PIK3C2G: variants seen among roughly 807,000 people sequenced by gnomAD.
The protein encoded by PIK3C2G is phosphatidylinositol-4-phosphate 3-kinase catalytic subunit type 2 gamma.
A neutral mutation model predicts 181.1 loss-of-function variants in PIK3C2G; 168 were observed. The observed-to-expected ratio is 0.93, with a 90% CI of 0.82 to 1.05. PIK3C2G has a LOEUF of 1.05. Ranked by LOEUF, PIK3C2G falls within the 50% of genes least tolerant of loss-of-function variation. PIK3C2G has a pLI of 0.00. For missense variants in PIK3C2G, 1,869 were observed against 1,732.8 expected (o/e 1.08, Z -1.40); for synonymous variants, 573 against 592.2 (o/e 0.97, Z 0.47).
At position 18,290,925 on chromosome 12, in the gene PIK3C2G, T is replaced by C; in HGVS notation, c.832T>C (p.Phe278Leu). Residue 278 changes from phenylalanine (F) to leucine (L), a missense_variant, in exon 4 of 33, where the codon TTT becomes CTT. Coordinates refer to ENST00000538779, the MANE Select transcript of PIK3C2G (RefSeq NM_001288772.2). ...GAAGATCTGGAGCACTACTACAGCA[T>C]TTCCGTATCAGCTCTTTTCTAAGAC... ...SGKIWSTTTAFPYQLFSKTKF... is the reference protein window; with the variant it reads ...SGKIWSTTTALPYQLFSKTKF... 1.9e-6 allele frequency: 3 copies of C among 1,586,366 alleles called. No homozygotes were observed. Among genetic ancestry groups the C allele is most frequent in the Non-Finnish European group, 2.6e-6 (3 of 1,154,940 alleles).
intron 18 of PIK3C2G, among the ~76,000 whole-genome samples, chr12:18,435,218 A>G (rs1313554846): frequency 2.0e-5 from 3 of 152,134 alleles, no homozygotes; most frequent in African/African-American, 7.2e-5. Flanking sequence ...TTCTTACCCA[A>G]TAATCTTTAT....
chr12:18,598,120 A>C (rs1488484333), intron 30 of PIK3C2G, among the ~76,000 whole-genome samples: 4 of 152,120 alleles, frequency 2.6e-5, no homozygotes, highest in Non-Finnish European at 5.9e-5. Context: ...GCTACCAATG[A>C]CTTTCTTCAC....
At chr12:18,687,007 G>A in the PIK3C2G span, among the ~76,000 whole-genome samples, 1 of 151,914 alleles carries the variant, frequency 6.6e-6, no homozygotes, top group African/African-American at 2.4e-5. Context: ...GAGGATGGAG[G>A]GAACAAGAGA....
At chr12:18,323,997 G>C (rs919454802) in intron 7 of PIK3C2G, among the ~76,000 whole-genome samples, 16 of 151,968 alleles carry the variant, frequency 1.1e-4, no homozygotes, top group Non-Finnish European at 2.2e-4. Flanking sequence ...GAGGTGGGCG[G>C]ATCATGAGGT....
chr12:18,487,096 T>TTTTGTGTGTGTG (rs71440368), intron 18 of PIK3C2G, among the ~76,000 whole-genome samples: 84 of 142,200 alleles, frequency 5.9e-4, no homozygotes, highest in Middle Eastern at 3.6e-3. Context: ...TTGAGGTATT[T>TTTTGTGTGTGTG]TGTGTGTGTG....
At chr12:18,612,761 C>T (rs867657727) in intron 31 of PIK3C2G, among the ~76,000 whole-genome samples, 38 of 152,066 alleles carry the variant, frequency 2.5e-4, no homozygotes, top group African/African-American at 8.9e-4. Context: ...CTGGATTTTA[C>T]ATTAATATTA....
intron 29 of PIK3C2G, among the ~76,000 whole-genome samples, chr12:18,581,168 A>G (rs1946481705): frequency 6.6e-6 from 1 of 152,266 alleles, no homozygotes; most frequent in Non-Finnish European, 1.5e-5. Context: ...CAAACAAAGT[A>G]TCTGAACTTA....
At chr12:18,582,632 C>A (rs1006914665) in intron 29 of PIK3C2G, among the ~76,000 whole-genome samples, 1 of 152,160 alleles carries the variant, frequency 6.6e-6, no homozygotes, top group Non-Finnish European at 1.5e-5. Flanking sequence ...TTCCACAGAA[C>A]CTGGCAGGAT....
chr12:18,577,713 C>T (rs901359377), intron 29 of PIK3C2G, among the ~76,000 whole-genome samples: 8 of 152,076 alleles, frequency 5.3e-5, no homozygotes, highest in Admixed American at 1.3e-4. Flanking sequence ...AATAGCTTCT[C>T]CCAAGGTATC....
At chr12:18,264,526 T>C (rs1227977880) in intron 1 of PIK3C2G, among the ~76,000 whole-genome samples, 1 of 152,186 alleles carries the variant, frequency 6.6e-6, no homozygotes, top group Admixed American at 6.5e-5. Flanking sequence ...TGTTGAGTAT[T>C]GGCTTATATT....
chr12:18,596,838 G>A (rs1263110981), intron 30 of PIK3C2G, among the ~76,000 whole-genome samples: 1 of 152,058 alleles, frequency 6.6e-6, no homozygotes, highest in Non-Finnish European at 1.5e-5. Flanking sequence ...ATGGGTTGAA[G>A]TATGGTACTC....
chr12:18,496,181 T>C (rs1940996365), intron 21 of PIK3C2G, 27 bp downstream of exon 21: 3 of 1,266,078 alleles, frequency 2.4e-6, no homozygotes, highest in Non-Finnish European at 3.3e-6. Flanking sequence ...AAAACATGAA[T>C]TGATTCCATA....
At chr12:18,392,328 A>G (rs1291498947) in intron 15 of PIK3C2G, among the ~76,000 whole-genome samples, 1 of 152,098 alleles carries the variant, frequency 6.6e-6, no homozygotes, top group African/African-American at 2.4e-5. Context: ...GCCCTCCCAT[A>G]CTAGGGCACT....
intron 1 of PIK3C2G, among the ~76,000 whole-genome samples, chr12:18,280,927 A>G (rs1412661641): frequency 6.6e-6 from 1 of 152,040 alleles, no homozygotes; most frequent in Non-Finnish European, 1.5e-5. Flanking sequence ...ATTATTGGAT[A>G]TAGAAGAAGA....
chr12:18,283,482 C>G (rs534637647), intron 2 of PIK3C2G, among the ~76,000 whole-genome samples: 3 of 152,208 alleles, frequency 2.0e-5, no homozygotes, highest in East Asian at 3.9e-4. Flanking sequence ...CAGAAGGGTT[C>G]TTTATTTATT....
At chr12:18,589,445 C>T (rs1946958837) in intron 29 of PIK3C2G, among the ~76,000 whole-genome samples, 1 of 151,492 alleles carries the variant, frequency 6.6e-6, no homozygotes. Flanking sequence ...CAAGATTTTT[C>T]TTTGTTAAAA....
chr12:18,344,364 C>T (rs550205178), intron 10 of PIK3C2G, among the ~76,000 whole-genome samples: 1 of 152,166 alleles, frequency 6.6e-6, no homozygotes, highest in East Asian at 1.9e-4. Flanking sequence ...GGAACTCCCC[C>T]GTCTCACATC....
the PIK3C2G span, among the ~76,000 whole-genome samples, chr12:18,702,069 A>G: frequency 6.6e-6 from 1 of 152,142 alleles, no homozygotes; most frequent in Non-Finnish European, 1.5e-5. Flanking sequence ...AAATATGTGA[A>G]AAGTATATAT....
intron 18 of PIK3C2G, among the ~76,000 whole-genome samples, chr12:18,482,053 C>A (rs897378081): frequency 2.0e-5 from 3 of 152,110 alleles, no homozygotes; most frequent in African/African-American, 7.2e-5. Flanking sequence ...TCTATAGTTT[C>A]ATCGTATATA....
Sources: allele counts gnomAD v4.1 joint callset (sites outside exome capture counted in the v4.1 genomes callset), GRCh38; gene constraint gnomAD v4.1.1; transcripts MANE v1.5; gene names NCBI Gene and HGNC (gene_info 2026-07-23, HGNC 2026-07-21).